The following TRRAP variants were observed in gnomAD, a reference collection of about 807,000 sequenced individuals.
TRRAP encodes the protein transformation/transcription domain-associated protein.
TRRAP carries 41 observed loss-of-function variants against 438.8 expected under a neutral mutation model. The observed-to-expected ratio is 0.09, with a 90% CI of 0.07 to 0.12. The LOEUF is 0.12. Ranked by LOEUF, TRRAP falls within the 10% of genes least tolerant of loss-of-function variation. The pLI is 1.00. For synonymous variants in TRRAP, 1,994 were observed against 1,962.9 expected (o/e 1.02, Z -0.42); for missense variants, 3,122 against 5,055.1 (o/e 0.62, Z 11.60).
At chr7:98,978,355 G>T in intron 57 of TRRAP, 32 bp downstream of exon 57, 2 of 1,565,914 alleles carry the variant, frequency 1.3e-6, no homozygotes, top group Non-Finnish European at 1.7e-6. Flanking sequence ...ACGTGTGCAT[G>T]AATCAGTTAA....
chr7:98,995,271 A>G (rs922806765), intron 67 of TRRAP, among the ~76,000 whole-genome samples: 1 of 148,220 alleles, frequency 6.7e-6, no homozygotes, highest in Non-Finnish European at 1.5e-5. Flanking sequence ...AGATGGCACC[A>G]GGTGGGATGG....
At chr7:98,927,426 A>G in intron 23 of TRRAP, 60 bp downstream of exon 23, 1 of 1,570,014 alleles carries the variant, frequency 6.4e-7, no homozygotes, top group Non-Finnish European at 8.7e-7. Context: ...AGGTGCTTTA[A>G]AAACTTGCTC....
intron 3 of TRRAP, among the ~76,000 whole-genome samples, chr7:98,886,385 G>T (rs1268531913): frequency 2.0e-5 from 3 of 151,706 alleles, no homozygotes; most frequent in Non-Finnish European, 2.9e-5. Flanking sequence ...GATATCTAGA[G>T]AGATAGAGAT....
chr7:98,904,265 C>T (rs191043361), intron 12 of TRRAP, among the ~76,000 whole-genome samples: 201 of 152,006 alleles, frequency 1.3e-3, no homozygotes, highest in African/African-American at 4.2e-3. Context: ...GAGCGGATCA[C>T]GAGGTCAGGA....
At position 98,915,795 on chromosome 7, in the gene TRRAP, T is replaced by C. The variant is rs1171208951; in HGVS notation, c.2272T>C (p.Leu758=). 6.2e-7 allele frequency: 1 copy of C among 1,614,110 alleles called. No individual in the cohort carries two copies. The highest frequency in any genetic ancestry group is 8.5e-7 in the Non-Finnish European group (1 of 1,180,052). ...TGCCAAGGAACCCTACAACTACTTC[T>C]TGCTGCTACGGGCGCTGTTTCGCTC... is the stretch of plus-strand genomic sequence containing the variant. The part of the protein sequence containing the change: ...QTAKEPYNYF[L]LLRALFRSIG... The change falls in exon 19 of 73, where the codon TTG becomes CTG. Residue 758 remains leucine (L), a synonymous_variant. Transcript: ENST00000456197.
At chr7:98,967,820 C>A (rs117969010) in intron 51 of TRRAP, 122 bp downstream of exon 51, 21,274 of 844,702 alleles carry the variant, frequency 0.025, 325 homozygotes, top group South Asian at 0.033. Context: ...CACAAACCTG[C>A]TTCTGATCTC....
At chr7:98,997,151 C>G (rs955850862) in intron 67 of TRRAP, among the ~76,000 whole-genome samples, 1 of 151,860 alleles carries the variant, frequency 6.6e-6, no homozygotes, top group Non-Finnish European at 1.5e-5. Flanking sequence ...ACTAAAAATA[C>G]AAAAATTAGC....
At chr7:98,944,967 G>A (rs574429660) in intron 31 of TRRAP, among the ~76,000 whole-genome samples, 62 of 152,220 alleles carry the variant, frequency 4.1e-4, no homozygotes, top group African/African-American at 1.2e-3. Flanking sequence ...ACCACATCCA[G>A]CTCATTTTTC....
At chr7:98,967,020 C>A (rs1562963885) in intron 49 of TRRAP, 21 bp from the exon 50 acceptor site, 4 of 1,594,438 alleles carry the variant, frequency 2.5e-6, no homozygotes, top group Non-Finnish European at 2.6e-6. Context: ...TTAACTGCGT[C>A]TTTTCTCAAA....
intron 23 of TRRAP, among the ~76,000 whole-genome samples, chr7:98,927,834 G>A (rs1274155932): frequency 2.0e-5 from 3 of 152,112 alleles, no homozygotes; most frequent in South Asian, 2.1e-4. Flanking sequence ...CCTCCTGCCT[G>A]GAACGGCTGC....
At chr7:98,996,495 C>T (rs1793667159) in intron 67 of TRRAP, among the ~76,000 whole-genome samples, 1 of 152,228 alleles carries the variant, frequency 6.6e-6, no homozygotes, top group African/African-American at 2.4e-5. Context: ...TGAGTGATTG[C>T]TGTGTGAAAA....
rs758043420 is a variant in TRRAP at position 98,962,430 on chromosome 7, G to A, written c.6829+3G>A. The A allele has an allele frequency of 6.2e-6, 10 of 1,614,230 alleles. No individual in the cohort carries two copies. Among genetic ancestry groups the A allele is most frequent in the East Asian group, 4.5e-5 (2 of 44,880 alleles). ...TGCCAATCCCTCCCAGCTCTTCGGTGAGTGTGTGTCTGTCCTGGTGTTCGT... is the reference window on the plus strand; with the variant it reads ...TGCCAATCCCTCCCAGCTCTTCGGTAAGTGTGTGTCTGTCCTGGTGTTCGT... On this transcript the variant is annotated splice_donor_region_variant and intron_variant, in intron 47 of 72. Coordinates refer to ENST00000456197, the MANE Select transcript of TRRAP (RefSeq NM_001375524.1).
intron 12 of TRRAP, among the ~76,000 whole-genome samples, chr7:98,905,684 C>T (rs181912294): frequency 1.3e-5 from 2 of 152,324 alleles, no homozygotes; most frequent in East Asian, 1.9e-4. Flanking sequence ...AATGCAGAAC[C>T]GTAACCTGGG....
intron 23 of TRRAP, 30 bp downstream of exon 23, chr7:98,927,396 A>T (rs773447741): frequency 6.2e-7 from 1 of 1,609,668 alleles, no homozygotes; most frequent in Non-Finnish European, 8.5e-7. Flanking sequence ...GGGGCACGGG[A>T]TTGGTTCTTT....
At chr7:98,913,390 G>A (rs1789371917) in intron 18 of TRRAP, among the ~76,000 whole-genome samples, 1 of 151,922 alleles carries the variant, frequency 6.6e-6, no homozygotes. Flanking sequence ...CCCGGGTCAA[G>A]CAATTCTCCT....
Position 99,005,567 on chromosome 7 carries a change from C to A in TRRAP, c.10753+219C>A, listed in dbSNP as rs1027534957. Reference sequence around the variant, plus strand: ...CACTGAGAGATGAGAGCTGTGTCCACCTTTCCTCTAAGGCGAGCTTGTCCA... The same window carrying A: ...CACTGAGAGATGAGAGCTGTGTCCAACTTTCCTCTAAGGCGAGCTTGTCCA... On this transcript the variant is annotated intron_variant, in intron 69 of 72. Coordinates refer to ENST00000456197, the MANE Select transcript of TRRAP (RefSeq NM_001375524.1). This position sits in a 1 kb window ranked among gnomAD's most constrained non-coding sequence, Gnocchi z 5.1. Among the ~76,000 whole-genome samples, 20 of 152,242 alleles carry A rather than the reference C, an allele frequency of 1.3e-4. No homozygotes were observed. The highest frequency in any genetic ancestry group is 4.1e-4 in the African/African-American group (17 of 41,468).
rs1796083256 is a variant in TRRAP at position 98,893,918 on chromosome 7, G to A, written c.450+37G>A. The A allele has an allele frequency of 4.4e-6, 7 of 1,589,514 alleles. No homozygotes were observed. In the East Asian group the frequency reaches 1.3e-4, roughly 31 times the overall value. ...AAAATCCTTATAGCATTTATAAAGT[G>A]TGTCAACATGTTCCTTCTGTGAAAT... On this transcript the variant is annotated intron_variant, in intron 6 of 72. Transcript: ENST00000456197.
chr7:98,914,205 G>A (rs1471750142), intron 18 of TRRAP, among the ~76,000 whole-genome samples: 1 of 151,834 alleles, frequency 6.6e-6, no homozygotes, highest in Non-Finnish European at 1.5e-5. Context: ...GACCAGCCTG[G>A]GCAGCATAGT....
intron 18 of TRRAP, among the ~76,000 whole-genome samples, chr7:98,913,723 T>A (rs551516147): frequency 2.6e-5 from 4 of 152,366 alleles, no homozygotes; most frequent in African/African-American, 9.6e-5. Context: ...TAAGAACATC[T>A]TAGAGAAGAT....
Sources: allele counts gnomAD v4.1 joint callset (sites outside exome capture counted in the v4.1 genomes callset), GRCh38; gene constraint gnomAD v4.1.1; non-coding constraint Gnocchi (gnomAD v3.1); transcripts MANE v1.5; gene names NCBI Gene and HGNC (gene_info 2026-07-23, HGNC 2026-07-21).